FHL5: variants seen among roughly 807,000 people sequenced by gnomAD.
The protein encoded by FHL5 is four and a half LIM domains protein 5.
In FHL5, 33 loss-of-function variants were observed where a neutral mutation model predicts 32.0. The observed-to-expected ratio is 1.03, with a 90% CI of 0.78 to 1.38. The LOEUF is 1.38. Ranked by LOEUF, FHL5 falls within the 40% of genes most tolerant of loss-of-function variation. FHL5 has a pLI of 0.00. For synonymous variants in FHL5, 114 were observed against 113.6 expected (o/e 1.00, Z -0.02); for missense variants, 336 against 343.9 (o/e 0.98, Z 0.18).
At chr6:96,602,065 T>C (rs1771159423) in intron 1 of FHL5, among the ~76,000 whole-genome samples, 2 of 152,294 alleles carry the variant, frequency 1.3e-5, no homozygotes. Context: ...AAGAACAATA[T>C]AGCAAAACTG....
At chr6:96,589,549 T>C (rs543729148) in intron 1 of FHL5, among the ~76,000 whole-genome samples, 1 of 152,180 alleles carries the variant, frequency 6.6e-6, no homozygotes, top group Admixed American at 6.5e-5. Flanking sequence ...TTTTTTCTTA[T>C]TGATTCGTAG....
chr6:96,569,104 T>A (rs531262409), intron 1 of FHL5, among the ~76,000 whole-genome samples: 4 of 152,150 alleles, frequency 2.6e-5, no homozygotes, highest in African/African-American at 9.6e-5. Context: ...CTTCTAATAC[T>A]GCTTTTGCTA....
chr6:96,564,086 T>A (rs1263568614), intron 1 of FHL5, among the ~76,000 whole-genome samples: 3 of 152,178 alleles, frequency 2.0e-5, no homozygotes, highest in African/African-American at 7.2e-5. Context: ...CTATCATTCA[T>A]TTGAAAACCA....
chr6:96,612,059 G>T (rs1171321757), intron 5 of FHL5, among the ~76,000 whole-genome samples: 1 of 152,130 alleles, frequency 6.6e-6, no homozygotes, highest in East Asian at 1.9e-4. Context: ...CAATTGCATG[G>T]GGCATGCCCT....
At chr6:96,598,037 A>G (rs549557916) in intron 1 of FHL5, among the ~76,000 whole-genome samples, 15 of 152,206 alleles carry the variant, frequency 9.9e-5, no homozygotes, top group South Asian at 2.1e-4. Context: ...CAGGAAACAT[A>G]AAGGAGTATT....
At chr6:96,606,727 TA>T (rs1471427121) in intron 4 of FHL5, among the ~76,000 whole-genome samples, 1 of 152,166 alleles carries the variant, frequency 6.6e-6, no homozygotes, top group Non-Finnish European at 1.5e-5. Context: ...AGATGTTTCT[TA>T]AAAAATAATG....
intron 1 of FHL5, among the ~76,000 whole-genome samples, chr6:96,565,027 G>T (rs771140721): frequency 6.6e-6 from 1 of 152,124 alleles, no homozygotes; most frequent in African/African-American, 2.4e-5. Flanking sequence ...GGCCAAGGTC[G>T]TGGGGATCAC....
intron 1 of FHL5, among the ~76,000 whole-genome samples, chr6:96,581,006 TG>T: frequency 1.3e-5 from 2 of 152,324 alleles, no homozygotes; most frequent in Admixed American, 1.3e-4. Context: ...AAAACATATT[TG>T]TTTTAAAGAA....
At chr6:96,599,863 A>G (rs1771113912) in intron 1 of FHL5, among the ~76,000 whole-genome samples, 2 of 152,228 alleles carry the variant, frequency 1.3e-5, no homozygotes, top group Admixed American at 1.3e-4. Context: ...ATAAATAAGA[A>G]CAGCTTTGCT....
intron 1 of FHL5, among the ~76,000 whole-genome samples, chr6:96,575,462 A>C (rs555184086): frequency 3.5e-4 from 54 of 152,156 alleles, no homozygotes; most frequent in Non-Finnish European, 7.1e-4. Context: ...TCCCAGAAGG[A>C]GTAGAGAGCC....
chr6:96,579,112 T>C (rs1478825842), intron 1 of FHL5, among the ~76,000 whole-genome samples: 2 of 152,290 alleles, frequency 1.3e-5, no homozygotes, highest in Non-Finnish European at 2.9e-5. Flanking sequence ...AGTCTTCTTA[T>C]GAAGATTTTA....
At position 96,616,438 on chromosome 6, in the gene FHL5, G is replaced by A. The variant is rs1289671009; in HGVS notation, c.*666G>A. On this transcript the variant is annotated 3_prime_UTR_variant, in exon 6 of 6. Coordinates refer to ENST00000450218, the MANE Select transcript of FHL5 (RefSeq NM_001322466.2). Reference sequence around the variant, plus strand: ...CTCTCATAATCTGCATAGGTATAAAGAGGATCATTTCTACCTAGGGATAGC... The same window carrying A: ...CTCTCATAATCTGCATAGGTATAAAAAGGATCATTTCTACCTAGGGATAGC... 1 of 152,158 alleles carries A rather than the reference G, an allele frequency of 6.6e-6. No individual in the cohort carries two copies. The highest frequency in any genetic ancestry group is 1.5e-5 in the Non-Finnish European group (1 of 68,038). 9.4% of individuals were successfully genotyped at this position (152,158 alleles called of 1,614,324 possible).
At chr6:96,584,461 T>TGTGTTTG (rs1770757947) in intron 1 of FHL5, among the ~76,000 whole-genome samples, 1 of 85,220 alleles carries the variant, frequency 1.2e-5, no homozygotes, top group African/African-American at 5.0e-5. Context: ...GTGTGTGTGT[T>TGTGTTTG]TGTGTGTGTG....
At chr6:96,601,035 T>A (rs541112439) in intron 1 of FHL5, among the ~76,000 whole-genome samples, 1 of 152,296 alleles carries the variant, frequency 6.6e-6, no homozygotes, top group African/African-American at 2.4e-5. Context: ...GAATAAGAAG[T>A]GAATTTCTTC....
At chr6:96,605,690 T>G (rs150385639) in intron 3 of FHL5, among the ~76,000 whole-genome samples, 11 of 152,258 alleles carry the variant, frequency 7.2e-5, no homozygotes, top group South Asian at 2.1e-4. Context: ...AGTCTAAGAG[T>G]GATTCTCCAT....
chr6:96,573,527 ATT>A (rs553599471), intron 1 of FHL5, among the ~76,000 whole-genome samples: 3,568 of 112,256 alleles, frequency 0.032, 30 homozygotes, highest in African/African-American at 0.052. Flanking sequence ...AAATATTCTA[ATT>A]TTTTTTTTTT....
At chr6:96,615,399 G>C (rs1771496360) in intron 5 of FHL5, among the ~76,000 whole-genome samples, 1 of 152,162 alleles carries the variant, frequency 6.6e-6, no homozygotes, top group South Asian at 2.1e-4. Context: ...ATTTGGCTGT[G>C]AATCTGGTTG....
At chr6:96,586,827 G>C (rs980206309) in intron 1 of FHL5, among the ~76,000 whole-genome samples, 2 of 152,158 alleles carry the variant, frequency 1.3e-5, no homozygotes, top group Non-Finnish European at 1.5e-5. Context: ...CTTAACACTT[G>C]TGTGCCAAAA....
At chr6:96,573,024 T>G (rs908481066) in intron 1 of FHL5, among the ~76,000 whole-genome samples, 1 of 151,468 alleles carries the variant, frequency 6.6e-6, no homozygotes, top group Non-Finnish European at 1.5e-5. Context: ...TTTAATACTT[T>G]TAGAAAGAAG....
Sources: gnomAD v4.1 joint callset for allele counts (sites outside exome capture counted in the v4.1 genomes callset) on GRCh38, gnomAD v4.1.1 for gene constraint, MANE v1.5 for transcripts, NCBI Gene and HGNC (gene_info 2026-07-23, HGNC 2026-07-21) for gene names.